The following BCL7A variants were observed in gnomAD, a reference collection of about 807,000 sequenced individuals.
BCL7A encodes B-cell CLL/lymphoma 7 protein family member A.
Under a neutral mutation model 28.4 loss-of-function variants are expected in BCL7A, and 11 were observed. That is an observed-to-expected ratio of 0.39 (90% CI 0.24 to 0.64). The LOEUF is 0.64. BCL7A is among the 30% of genes least tolerant of loss of function. The probability of loss-of-function intolerance (pLI) is 0.50; values close to 1 mark genes in which losing one functional copy is unlikely to be tolerated. For synonymous variants in BCL7A, 123 were observed against 103.3 expected (o/e 1.19, Z -1.15); for missense variants, 222 against 274.8 (o/e 0.81, Z 1.36).
intron 2 of BCL7A, among the ~76,000 whole-genome samples, chr12:122,031,803 C>T (rs758541252): frequency 4.6e-5 from 7 of 152,198 alleles, no homozygotes; most frequent in Non-Finnish European, 8.8e-5. Flanking sequence ...GAATGCGAGG[C>T]GCTGTCCTGT....
In BCL7A at chr12:122,021,916, TTGTGTGTGTGTGTATGTGTGTGTGTG is replaced by T. The variant is rs1462786226; in HGVS notation, c.-162_-137del. 2 of 353,830 alleles carry T rather than the reference TTGTGTGTGTGTGTATGTGTGTGTGTG, an allele frequency of 5.7e-6. No individual in the cohort carries two copies. Among genetic ancestry groups the T allele is most frequent in the East Asian group, 4.9e-5 (1 of 20,594 alleles). The allele number at this position is 353,830 out of a possible 1,614,324, so 21.9% of individuals were successfully genotyped here. A position where few individuals can be genotyped will look rare whatever the true frequency, so the allele number is the denominator to read the frequency against. On this transcript the variant is annotated 5_prime_UTR_variant, in exon 1 of 6. It removes an upstream start codon present in the reference 5' UTR. Transcript: ENST00000261822. ...GCCAGGCGCGCGGCGGCCCCGGGCTTTGTGTGTGTGTGTATGTGTGTGTGTGTGTGTGTGTGTGTGTGAGTGTGTGC... is the reference window on the plus strand; with the variant it reads ...GCCAGGCGCGCGGCGGCCCCGGGCTTTGTGTGTGTGTGTGTGAGTGTGTGC...
At chr12:122,034,971 G>A (rs1261497860) in intron 2 of BCL7A, among the ~76,000 whole-genome samples, 1 of 152,172 alleles carries the variant, frequency 6.6e-6, no homozygotes, top group African/African-American at 2.4e-5. Context: ...CTGGGCTGAT[G>A]GTAGCCTCTT....
At chr12:122,044,792 C>T (rs1016270140) in intron 4 of BCL7A, among the ~76,000 whole-genome samples, 1 of 152,098 alleles carries the variant, frequency 6.6e-6, no homozygotes, top group Non-Finnish European at 1.5e-5. Context: ...CACAACTGAA[C>T]TCCAGCCTGG....
chr12:122,029,138 T>C lies in BCL7A; in HGVS notation c.93-1562T>C, dbSNP rs2135840928. 6.6e-6 allele frequency among the ~76,000 whole-genome samples: 1 copy of C among 152,158 alleles called. No individual in the cohort carries two copies. The highest frequency in any genetic ancestry group is 2.4e-5 in the African/African-American group (1 of 41,508). On this transcript the variant is annotated intron_variant, in intron 1 of 5. Coordinates refer to ENST00000261822, the MANE Select transcript of BCL7A (RefSeq NM_001024808.3). The surrounding 1 kb of genome is among the most constrained non-coding windows in gnomAD (Gnocchi z 4.3). ...TCACCTTCACCGCCCTGTGCCTCGG[T>C]TTCTTTATCTGTCAAATGGGGAAGT...
chr12:122,043,809 G>A, intron 3 of BCL7A, 77 bp from the exon 4 acceptor site: 1 of 1,448,772 alleles, frequency 6.9e-7, no homozygotes, highest in South Asian at 1.4e-5. Flanking sequence ...GAGGCACAGG[G>A]ATGCTGAGCC....
chr12:122,042,789 A>T (rs1883987359), intron 3 of BCL7A, among the ~76,000 whole-genome samples: 1 of 152,210 alleles, frequency 6.6e-6, no homozygotes, highest in Non-Finnish European at 1.5e-5. Context: ...ATTGCTGAAA[A>T]TATGACGTTT....
chr12:122,031,353 C>T (rs377197088), intron 2 of BCL7A, among the ~76,000 whole-genome samples: 1 of 139,790 alleles, frequency 7.2e-6, no homozygotes, highest in Non-Finnish European at 1.6e-5. Context: ...CTGGGCCGAG[C>T]GCCCCCCCCA....
intron 3 of BCL7A, among the ~76,000 whole-genome samples, chr12:122,038,565 T>G (rs57229118): frequency 0.038 from 5,755 of 151,902 alleles, 374 homozygotes; most frequent in African/African-American, 0.13. Context: ...ATATGTGAGC[T>G]GGGATGTGGC....
Position 122,061,747 on chromosome 12 carries a change from C to G in BCL7A, c.*2584C>G, listed in dbSNP as rs775224722. ...GGGGAAGCTGCGGCTACACATTCCA[C>G]AAAGTGCTGGCACTTACACCCACAA... On this transcript the variant is annotated 3_prime_UTR_variant, in exon 6 of 6. Transcript: ENST00000261822. The G allele has an allele frequency of 5.2e-5, 12 of 231,142 alleles. No homozygotes were observed. The highest frequency in any genetic ancestry group is 1.7e-5 in the Non-Finnish European group (2 of 116,556). 14.3% of individuals were successfully genotyped at this position (231,142 alleles called of 1,614,324 possible). A position where few individuals can be genotyped will look rare whatever the true frequency, so the allele number is the denominator to read the frequency against.
intron 4 of BCL7A, among the ~76,000 whole-genome samples, chr12:122,045,108 C>T (rs192185511): frequency 2.1e-3 from 316 of 152,012 alleles, no homozygotes; most frequent in Middle Eastern, 0.014. Flanking sequence ...GCACCAGGCG[C>T]GGTGGCTCAC....
At chr12:122,024,698 A>T (rs1266645284) in intron 1 of BCL7A, among the ~76,000 whole-genome samples, 1 of 152,180 alleles carries the variant, frequency 6.6e-6, no homozygotes, top group Non-Finnish European at 1.5e-5. Flanking sequence ...CACCCAGTTA[A>T]ATTTGAATTT....
Position 122,059,073 on chromosome 12 carries a change from C to T in BCL7A, c.562-19C>T. On this transcript the variant is annotated intron_variant, in intron 5 of 5. Coordinates refer to ENST00000261822, the MANE Select transcript of BCL7A (RefSeq NM_001024808.3). The surrounding 1 kb of genome is among the most constrained non-coding windows in gnomAD (Gnocchi z 4.0). ...TCCTGGCCCATTAACCTGTGTTCCC[C>T]TTTTCTCCTCTCCCCAAGGATTTGG... 2 of 1,591,982 alleles carry T rather than the reference C, an allele frequency of 1.3e-6. No homozygotes were observed.
rs1367924986 is a variant in BCL7A at position 122,060,117 on chromosome 12, G to T, written c.*954G>T. On this transcript the variant is annotated 3_prime_UTR_variant, in exon 6 of 6. Coordinates refer to ENST00000261822, the MANE Select transcript of BCL7A (RefSeq NM_001024808.3). ...GGGCCGGGGAGGCTGGGAGCCGGCG[G>T]CAGGATTAGCTGGTGCTGAACTTTC... is the stretch of plus-strand genomic sequence containing the variant. 4.3e-6 allele frequency: 1 copy of T among 233,200 alleles called. No individual in the cohort carries two copies. The highest frequency in any genetic ancestry group is 8.5e-6 in the Non-Finnish European group (1 of 117,724). 14.4% of individuals were successfully genotyped at this position (233,200 alleles called of 1,614,324 possible).
At chr12:122,036,225 G>C (rs1330833938) in intron 3 of BCL7A, among the ~76,000 whole-genome samples, 17 of 152,090 alleles carry the variant, frequency 1.1e-4, no homozygotes, top group Admixed American at 1.1e-3. Flanking sequence ...TTCCTTTGCT[G>C]TTTAATTTCA....
chr12:122,056,374 G>A (rs1951878398), intron 5 of BCL7A, among the ~76,000 whole-genome samples: 1 of 151,876 alleles, frequency 6.6e-6, no homozygotes, highest in Admixed American at 6.6e-5. Context: ...TTGCTTCCAG[G>A]AGACCCAGAC....
chr12:122,036,433 AGTT>A (rs1883856935), intron 3 of BCL7A, among the ~76,000 whole-genome samples: 1 of 152,126 alleles, frequency 6.6e-6, no homozygotes, highest in South Asian at 2.1e-4. Flanking sequence ...AACCCAAAAA[AGTT>A]GTAATCTAGG....
chr12:122,030,814 C>G (rs1017875935), intron 2 of BCL7A, 33 bp downstream of exon 2: 1 of 1,595,436 alleles, frequency 6.3e-7, no homozygotes, highest in Non-Finnish European at 8.6e-7. Flanking sequence ...CTGGGGTGGG[C>G]CACCCATTCG....
At position 122,029,264 on chromosome 12, in the gene BCL7A, G is replaced by T. The variant is rs561831264; in HGVS notation, c.93-1436G>T. 6.6e-6 allele frequency among the ~76,000 whole-genome samples: 1 copy of T among 152,346 alleles called. No homozygotes were observed. Among genetic ancestry groups the T allele is most frequent in the South Asian group, 2.1e-4 (1 of 4,832 alleles). ...GAAAAGCCGGGCCGTAGCGTCCTCTGATGGAACACGTGGGACCCGAGCGGG... is the reference window on the plus strand; with the variant it reads ...GAAAAGCCGGGCCGTAGCGTCCTCTTATGGAACACGTGGGACCCGAGCGGG... On this transcript the variant is annotated intron_variant, in intron 1 of 5. Transcript: ENST00000261822. This position sits in a 1 kb window ranked among gnomAD's most constrained non-coding sequence, Gnocchi z 4.3.
In BCL7A at chr12:122,060,156, C is replaced by T. The variant is rs925881933; in HGVS notation, c.*993C>T. ...TGCTGAACTTTCTCTCATAGGACGTCGCTTGGATTTCAAATCCACGGTCAC... is the reference window on the plus strand; with the variant it reads ...TGCTGAACTTTCTCTCATAGGACGTTGCTTGGATTTCAAATCCACGGTCAC... On this transcript the variant is annotated 3_prime_UTR_variant, in exon 6 of 6. Coordinates refer to ENST00000261822, the MANE Select transcript of BCL7A (RefSeq NM_001024808.3). 4 of 233,066 alleles carry T rather than the reference C, an allele frequency of 1.7e-5. No homozygotes were observed. The highest frequency in any genetic ancestry group is 1.7e-4 in the Admixed American group (3 of 17,746). The allele number at this position is 233,066 out of a possible 1,614,324, so 14.4% of individuals were successfully genotyped here. A position where few individuals can be genotyped will look rare whatever the true frequency, so the allele number is the denominator to read the frequency against.
Sources: allele counts gnomAD v4.1 joint callset (sites outside exome capture counted in the v4.1 genomes callset), GRCh38; gene constraint gnomAD v4.1.1; non-coding constraint Gnocchi (gnomAD v3.1); transcripts MANE v1.5; gene names NCBI Gene and HGNC (gene_info 2026-07-23, HGNC 2026-07-21).